Variants in BBS9 observed in about 807,000 individuals in gnomAD.
BBS9 encodes Bardet-Biedl syndrome 9, also known as protein PTHB1.
A neutral mutation model predicts 117.7 loss-of-function variants in BBS9; 89 were observed. That is an observed-to-expected ratio of 0.76 (90% confidence interval 0.64 to 0.90). The LOEUF (loss-of-function observed/expected upper bound fraction) is 0.90, where lower values mean the gene tolerates loss of function less well. BBS9 is among the 40% of genes least tolerant of loss of function. The pLI is 0.00. For missense variants in BBS9, 982 were observed against 1,042.2 expected, an observed-to-expected ratio of 0.94 and a Z score of 0.80; for synonymous variants, 379 against 370.9, an observed-to-expected ratio of 1.02 and a Z score of -0.25.
At chr7:33,269,653 A>T (rs751253051) in intron 7 of BBS9, among the ~76,000 whole-genome samples, 1 of 151,342 alleles carries the variant, frequency 6.6e-6, no homozygotes. Flanking sequence ...ACGGAACATG[A>T]TGGCAACCAT....
chr7:33,545,050 G>A (rs1471671043), intron 21 of BBS9, among the ~76,000 whole-genome samples: 1 of 152,094 alleles, frequency 6.6e-6, no homozygotes, highest in Non-Finnish European at 1.5e-5. Context: ...CCATGCCCCT[G>A]CCAACAGCCC....
At chr7:33,234,552 TCA>T (rs1793115286) in intron 5 of BBS9, among the ~76,000 whole-genome samples, 1 of 152,088 alleles carries the variant, frequency 6.6e-6, no homozygotes, top group African/African-American at 2.4e-5. Flanking sequence ...TTAAATATAT[TCA>T]CATTGTTTTA....
At chr7:33,432,487 T>G (rs181160953) in intron 19 of BBS9, among the ~76,000 whole-genome samples, 2 of 152,276 alleles carry the variant, frequency 1.3e-5, no homozygotes, top group East Asian at 1.9e-4. Context: ...ATACATCTTC[T>G]GTTTCTTTTA....
chr7:33,150,747 G>A (rs1056206505), intron 2 of BBS9, among the ~76,000 whole-genome samples: 38 of 152,306 alleles, frequency 2.5e-4, no homozygotes, highest in Non-Finnish European at 4.9e-4. Context: ...TGAGAAGAAT[G>A]TGTAGGTGGC....
intron 19 of BBS9, among the ~76,000 whole-genome samples, chr7:33,432,326 G>C (rs1431394653): frequency 6.6e-6 from 1 of 150,746 alleles, no homozygotes; most frequent in Non-Finnish European, 1.5e-5. Flanking sequence ...AGCCAGGATA[G>C]TCTCGATCTC....
At chr7:33,508,432 A>C (rs1846447392) in intron 20 of BBS9, among the ~76,000 whole-genome samples, 1 of 152,216 alleles carries the variant, frequency 6.6e-6, no homozygotes, top group Non-Finnish European at 1.5e-5. Context: ...CAGGGCTACC[A>C]GTGTCCCCAC....
At position 33,273,167 on chromosome 7, in the gene BBS9, C is replaced by G; in HGVS notation, c.858C>G (p.Ser286Arg). Residue 286 changes from serine (S) to arginine (R), a missense_variant, in exon 8 of 23, where the codon AGC becomes AGG. By Grantham distance (110) the Ser-to-Arg change is moderately radical. Coordinates refer to ENST00000242067, the MANE Select transcript of BBS9 (RefSeq NM_198428.3). Reference protein sequence around the residue: ...QIRFMKKLDWSPSCFLPYCSV... With the variant: ...QIRFMKKLDWRPSCFLPYCSV... ...GATTCATGAAGAAGCTTGATTGGAG[C>G]CCAAGTTGTTTTCTGCCATATTGCT... is the stretch of plus-strand genomic sequence containing the variant. 1 of 1,613,524 alleles carries G rather than the reference C, an allele frequency of 6.2e-7. No homozygotes were observed. Among genetic ancestry groups the G allele is most frequent in the Non-Finnish European group, 8.5e-7 (1 of 1,179,732 alleles).
chr7:33,444,713 A>G (rs930686774), intron 19 of BBS9, among the ~76,000 whole-genome samples: 11 of 152,302 alleles, frequency 7.2e-5, no homozygotes, highest in African/African-American at 2.6e-4. Flanking sequence ...GATCTTAAGT[A>G]AGAGCCCAGA....
intron 5 of BBS9, among the ~76,000 whole-genome samples, chr7:33,229,424 A>G (rs1402696625): frequency 3.3e-5 from 5 of 151,604 alleles, no homozygotes; most frequent in Admixed American, 6.6e-5. Context: ...GTTTTGTTCT[A>G]TGTATTGGAG....
intron 19 of BBS9, among the ~76,000 whole-genome samples, chr7:33,491,942 G>C (rs1359321777): frequency 6.6e-6 from 1 of 152,020 alleles, no homozygotes; most frequent in Non-Finnish European, 1.5e-5. Context: ...GCTCATGCCT[G>C]TTATCTCAGC....
At chr7:33,207,814 C>CTT (rs200036128) in intron 5 of BBS9, among the ~76,000 whole-genome samples, 7 of 148,578 alleles carry the variant, frequency 4.7e-5, no homozygotes, top group Non-Finnish European at 8.9e-5. Flanking sequence ...ATAGATATAA[C>CTT]TTTTTTTTTT....
At chr7:33,601,629 C>G (rs1419670877) in intron 21 of BBS9, among the ~76,000 whole-genome samples, 2 of 152,082 alleles carry the variant, frequency 1.3e-5, no homozygotes, top group Non-Finnish European at 2.9e-5. Context: ...GACAGGCTCC[C>G]AGGTGATTCC....
rs147771914 is a variant in BBS9 at position 33,477,967 on chromosome 7, G to A, written c.2116-27496G>A. On this transcript the variant is annotated intron_variant, in intron 19 of 22. Coordinates refer to ENST00000242067, the MANE Select transcript of BBS9 (RefSeq NM_198428.3). ...TTGGAAGAAGTGAAAGGTTTTCAGAGAGAAATGAAAAGCCAGAAAGTGTTA... is the reference window on the plus strand; with the variant it reads ...TTGGAAGAAGTGAAAGGTTTTCAGAAAGAAATGAAAAGCCAGAAAGTGTTA... Among the ~76,000 whole-genome samples, 77 of 152,262 alleles carry A rather than the reference G, an allele frequency of 5.1e-4. 2 individuals are homozygous for A. The East Asian group carries it at 0.014, about 27-fold the overall frequency.
At chr7:33,612,578 G>T (rs1864934828) in intron 21 of BBS9, among the ~76,000 whole-genome samples, 4 of 151,772 alleles carry the variant, frequency 2.6e-5, no homozygotes, top group Admixed American at 2.6e-4. Context: ...CTTCATTTGA[G>T]TCCCTCCCAT....
intron 5 of BBS9, among the ~76,000 whole-genome samples, chr7:33,209,617 G>A (rs1440610981): frequency 6.6e-6 from 1 of 152,076 alleles, no homozygotes; most frequent in African/African-American, 2.4e-5. Flanking sequence ...ACAGTTCAAT[G>A]TTGGTAGGTT....
At chr7:33,131,455 T>C (rs1789602147) in intron 1 of BBS9, among the ~76,000 whole-genome samples, 1 of 152,236 alleles carries the variant, frequency 6.6e-6, no homozygotes, top group South Asian at 2.1e-4. Context: ...CAGTGAGCCC[T>C]TGTATTATTG....
intron 10 of BBS9, among the ~76,000 whole-genome samples, chr7:33,337,738 T>G (rs1175824999): frequency 1.3e-5 from 2 of 152,126 alleles, no homozygotes; most frequent in African/African-American, 4.8e-5. Flanking sequence ...TATAATTTTT[T>G]GTTTCAATTT....
chr7:33,134,685 C>T lies in BBS9; in HGVS notation c.-12+4644C>T, dbSNP rs569148091. ...TTTTAGCTCACAGCAACCTCAAACT[C>T]TTGGGCTCAATCCTCAAACTCCTGC... is the stretch of plus-strand genomic sequence containing the variant. On this transcript the variant is annotated intron_variant, in intron 1 of 22. Coordinates refer to ENST00000242067, the MANE Select transcript of BBS9 (RefSeq NM_198428.3). Among the ~76,000 whole-genome samples the T allele has an allele frequency of 5.3e-5, 8 of 152,278 alleles. No homozygotes were observed. The South Asian group carries it at 1.4e-3, about 28-fold the overall frequency.
At chr7:33,482,982 A>C (rs1273434074) in intron 19 of BBS9, among the ~76,000 whole-genome samples, 1 of 152,118 alleles carries the variant, frequency 6.6e-6, no homozygotes, top group Non-Finnish European at 1.5e-5. Context: ...TGTCTATTTT[A>C]AGAGTGGATT....
Sources: allele counts gnomAD v4.1 joint callset (sites outside exome capture counted in the v4.1 genomes callset), GRCh38; gene constraint gnomAD v4.1.1; transcripts MANE v1.5; gene names NCBI Gene and HGNC (gene_info 2026-07-23, HGNC 2026-07-21).